IL1RAPL2: variants seen among roughly 807,000 people sequenced by gnomAD.
The protein encoded by IL1RAPL2 is interleukin 1 receptor accessory protein like 2.
Under a neutral mutation model 44.1 loss-of-function variants are expected in IL1RAPL2, and 3 were observed. The ratio of observed to expected loss-of-function variants is 0.07; its 90% confidence interval spans 0.03 to 0.18. The LOEUF (loss-of-function observed/expected upper bound fraction) is 0.18. IL1RAPL2 is among the 10% of genes least tolerant of loss of function. The pLI is 1.00. For missense variants in IL1RAPL2, 391 were observed against 496.4 expected, an observed-to-expected ratio of 0.79 and a Z score of 2.02; for synonymous variants, 181 against 178.8, an observed-to-expected ratio of 1.01 and a Z score of -0.10.
intron 6 of IL1RAPL2, among the ~76,000 whole-genome samples, chrX:105,640,337 CCTT>C (rs1420012027): frequency 4.6e-5 from 5 of 109,170 alleles, no homozygotes; most frequent in African/African-American, 1.7e-4. Context: ...ACCCTAGGAC[CCTT>C]CTTCCATCTC....
chrX:105,110,035 A>C (rs779142909), intron 2 of IL1RAPL2, among the ~76,000 whole-genome samples: 1 of 111,892 alleles, frequency 8.9e-6, no homozygotes, highest in South Asian at 3.8e-4. Context: ...TGAGAAATGG[A>C]GGTGCAGAGG....
At chrX:105,428,404 G>A (rs776206039) in intron 5 of IL1RAPL2, among the ~76,000 whole-genome samples, 12 of 111,321 alleles carry the variant, frequency 1.1e-4, no homozygotes, top group African/African-American at 3.9e-4. Flanking sequence ...AATGACATTT[G>A]CATTGACAAT....
At chrX:105,072,812 C>T (rs1456325099) in intron 2 of IL1RAPL2, among the ~76,000 whole-genome samples, 2 of 109,798 alleles carry the variant, frequency 1.8e-5, no homozygotes, top group African/African-American at 6.6e-5. Flanking sequence ...CCAACAGGCC[C>T]TGGTGTGTGA....
intron 6 of IL1RAPL2, among the ~76,000 whole-genome samples, chrX:105,715,925 A>T (rs2038253304): frequency 9.0e-6 from 1 of 111,454 alleles, no homozygotes; most frequent in Admixed American, 9.6e-5. Flanking sequence ...CTCATATATG[A>T]CACAAGCCCC....
chrX:105,092,331 GT>G (rs2032553902), intron 2 of IL1RAPL2, among the ~76,000 whole-genome samples: 1 of 111,286 alleles, frequency 9.0e-6, no homozygotes, highest in Non-Finnish European at 1.9e-5. Flanking sequence ...CATAGTTATG[GT>G]TTATTGCAGG....
intron 2 of IL1RAPL2, among the ~76,000 whole-genome samples, chrX:104,730,373 CCCCCCCA>C (rs1931882924): frequency 7.9e-5 from 5 of 63,188 alleles, no homozygotes; most frequent in East Asian, 6.1e-4. Flanking sequence ...TCCCTCCCCT[CCCCCCCA>C]CCCCAGAACA....
rs752346109 is a variant in IL1RAPL2 at position 105,009,113 on chromosome X, G to A, written c.83-186362G>A. 3.1e-3 allele frequency among the ~76,000 whole-genome samples: 346 copies of A among 111,697 alleles called. 2 individuals carry two copies. Among genetic ancestry groups the A allele is most frequent in the Non-Finnish European group, 5.0e-3 (266 of 53,093 alleles). On this transcript the variant is annotated intron_variant, in intron 2 of 10. Coordinates refer to ENST00000372582, the MANE Select transcript of IL1RAPL2 (RefSeq NM_017416.2). ...GTCAGGAAACAACAGGTGCTGGAGA[G>A]GATGTGGAGAAATAGGAATGCTTTT...
intron 2 of IL1RAPL2, among the ~76,000 whole-genome samples, chrX:105,121,689 GTGT>G (rs943363259): frequency 9.0e-6 from 1 of 110,897 alleles, no homozygotes; most frequent in Non-Finnish European, 1.9e-5. Flanking sequence ...AATTCAAGTG[GTGT>G]TAGAAAGAAA....
intron 7 of IL1RAPL2, among the ~76,000 whole-genome samples, chrX:105,733,049 A>C (rs985344540): frequency 1.8e-5 from 2 of 112,042 alleles, no homozygotes; most frequent in Non-Finnish European, 3.8e-5. Context: ...TTTCCAACAC[A>C]GGTTGACTGG....
chrX:104,656,696 T>C (rs1367696398), intron 1 of IL1RAPL2, among the ~76,000 whole-genome samples: 1 of 111,808 alleles, frequency 8.9e-6, no homozygotes, highest in Non-Finnish European at 1.9e-5. Flanking sequence ...TAGGTCCACT[T>C]GGTGCAGAGC....
At chrX:105,236,530 TG>T (rs1319172493) in intron 4 of IL1RAPL2, among the ~76,000 whole-genome samples, 6 of 112,057 alleles carry the variant, frequency 5.4e-5, no homozygotes, top group African/African-American at 1.9e-4. Context: ...AAGAAGTGAC[TG>T]GAGACTCAGA....
intron 2 of IL1RAPL2, among the ~76,000 whole-genome samples, chrX:105,174,902 A>G (rs2033458906): frequency 8.9e-6 from 1 of 111,927 alleles, no homozygotes; most frequent in Non-Finnish European, 1.9e-5. Flanking sequence ...AATACTAGTT[A>G]TGTGTGATAA....
rs371164200 is a variant in IL1RAPL2, at chrX:105,320,691, A to G, written c.697+53150A>G. Among the ~76,000 whole-genome samples, 6 of 111,829 alleles carry G rather than the reference A, an allele frequency of 5.4e-5. No homozygotes were observed. In the East Asian group the frequency reaches 1.7e-3, roughly 31 times the overall value. ...GTGTGAGCATGTTGTATAAGTGTGT[A>G]TGTGTTTATGTGTGAGTGTATATAT... On this transcript the variant is annotated intron_variant, in intron 5 of 10. Coordinates refer to ENST00000372582, the MANE Select transcript of IL1RAPL2 (RefSeq NM_017416.2).
intron 2 of IL1RAPL2, among the ~76,000 whole-genome samples, chrX:104,718,308 G>A (rs1172783390): frequency 9.0e-6 from 1 of 111,473 alleles, no homozygotes; most frequent in African/African-American, 3.3e-5. Flanking sequence ...TAACTGGTGT[G>A]AGATAGTATC....
intron 5 of IL1RAPL2, among the ~76,000 whole-genome samples, chrX:105,350,421 A>C (rs1236519288): frequency 8.9e-6 from 1 of 112,611 alleles, no homozygotes; most frequent in Non-Finnish European, 1.9e-5. Context: ...TTATTTTAAA[A>C]ATTATTTAAA....
intron 2 of IL1RAPL2, among the ~76,000 whole-genome samples, chrX:104,678,068 C>A (rs776486834): frequency 2.7e-5 from 3 of 112,679 alleles, no homozygotes; most frequent in African/African-American, 9.7e-5. Context: ...GCGTTGCTCA[C>A]GCTGACAGCT....
chrX:105,290,008 G>C (rs1212423000), intron 5 of IL1RAPL2, among the ~76,000 whole-genome samples: 1 of 111,448 alleles, frequency 9.0e-6, no homozygotes, highest in Admixed American at 9.6e-5. Context: ...AAGAGGATGG[G>C]AGTGAAGGAC....
chrX:104,931,332 C>A (rs1166347954), intron 2 of IL1RAPL2, among the ~76,000 whole-genome samples: 2 of 105,437 alleles, frequency 1.9e-5, no homozygotes, highest in Admixed American at 1.0e-4. Context: ...AAATGTGAAG[C>A]ACGGGATTGC....
intron 2 of IL1RAPL2, among the ~76,000 whole-genome samples, chrX:104,930,770 C>T (rs1024460857): frequency 9.0e-6 from 1 of 111,646 alleles, no homozygotes; most frequent in Non-Finnish European, 1.9e-5. Flanking sequence ...TATAGTTAGC[C>T]ATATTGCATT....
Sources: allele counts gnomAD v4.1 joint callset (sites outside exome capture counted in the v4.1 genomes callset), GRCh38; gene constraint gnomAD v4.1.1; transcripts MANE v1.5; gene names NCBI Gene and HGNC (gene_info 2026-07-23, HGNC 2026-07-21).